Variants in PCDH9 observed in about 807,000 individuals in gnomAD.
The protein encoded by PCDH9 is protocadherin-9.
In PCDH9, 24 loss-of-function variants were observed where a neutral mutation model predicts 70.6. The observed-to-expected ratio is 0.34, with a 90% confidence interval of 0.25 to 0.48. PCDH9 has a LOEUF of 0.48. Ranked by LOEUF, PCDH9 falls within the 20% of genes least tolerant of loss-of-function variation. The pLI is 0.99. For missense variants in PCDH9, 1,281 were observed against 1,503.6 expected (o/e 0.85, Z 2.45); for synonymous variants, 562 against 558.5 (o/e 1.01, Z -0.09).
intron 2 of PCDH9, among the ~76,000 whole-genome samples, chr13:67,175,166 A>T (rs752258059): frequency 3.9e-5 from 6 of 151,988 alleles, no homozygotes; most frequent in African/African-American, 1.5e-4. Flanking sequence ...GTTTTTAAGG[A>T]TCCTCTCCAA....
At chr13:67,120,347 G>T (rs1000872573) in intron 2 of PCDH9, among the ~76,000 whole-genome samples, 1 of 152,014 alleles carries the variant, frequency 6.6e-6, no homozygotes, top group Admixed American at 6.6e-5. Flanking sequence ...CACCTCTGTG[G>T]ATGCAGGTAC....
chr13:67,072,949 G>T (rs2085798086), intron 2 of PCDH9, among the ~76,000 whole-genome samples: 1 of 152,096 alleles, frequency 6.6e-6, no homozygotes, highest in Non-Finnish European at 1.5e-5. Context: ...TCCAACAAAA[G>T]AAAAATTTTG....
intron 3 of PCDH9, among the ~76,000 whole-genome samples, chr13:66,882,691 T>C (rs991154485): frequency 6.6e-6 from 1 of 152,186 alleles, no homozygotes. Flanking sequence ...TCAATGGCAA[T>C]GTGTTCACTG....
chr13:67,009,773 C>G (rs879883899), intron 2 of PCDH9, among the ~76,000 whole-genome samples: 11 of 151,866 alleles, frequency 7.2e-5, no homozygotes, highest in Admixed American at 2.6e-4. Context: ...TTTAAAAATA[C>G]TTCGCATTTA....
At chr13:66,703,068 A>G (rs1007146403) in intron 3 of PCDH9, among the ~76,000 whole-genome samples, 1 of 152,228 alleles carries the variant, frequency 6.6e-6, no homozygotes, top group African/African-American at 2.4e-5. Context: ...GTAATAAACC[A>G]TAAAATTACA....
chr13:66,907,326 G>T (rs2082379171), intron 2 of PCDH9, among the ~76,000 whole-genome samples: 1 of 152,200 alleles, frequency 6.6e-6, no homozygotes, highest in Non-Finnish European at 1.5e-5. Context: ...TGCTAAATCA[G>T]ATTTATATTG....
intron 4 of PCDH9, among the ~76,000 whole-genome samples, chr13:66,412,186 A>G (rs1438723189): frequency 6.6e-6 from 1 of 152,188 alleles, no homozygotes; most frequent in Non-Finnish European, 1.5e-5. Flanking sequence ...GTAATTTTGA[A>G]GATTTTGAAG....
intron 4 of PCDH9, among the ~76,000 whole-genome samples, chr13:66,399,081 C>T (rs1277326831): frequency 3.9e-5 from 6 of 152,056 alleles, no homozygotes; most frequent in African/African-American, 1.2e-4. Context: ...TACAATCTTG[C>T]TTTTTCTTTT....
intron 2 of PCDH9, among the ~76,000 whole-genome samples, chr13:66,969,888 C>T (rs2083490272): frequency 2.0e-5 from 3 of 151,930 alleles, no homozygotes; most frequent in Admixed American, 2.0e-4. Flanking sequence ...AAGTCTAAAG[C>T]AAAAGTGCTT....
chr13:66,986,436 A>G (rs1427914353), intron 2 of PCDH9, among the ~76,000 whole-genome samples: 1 of 152,032 alleles, frequency 6.6e-6, no homozygotes, highest in Non-Finnish European at 1.5e-5. Flanking sequence ...TTATGAATTA[A>G]TGATCATGAC....
At chr13:66,457,055 G>GGAGATGAT (rs1958330947) in intron 4 of PCDH9, among the ~76,000 whole-genome samples, 1 of 151,910 alleles carries the variant, frequency 6.6e-6, no homozygotes, top group Non-Finnish European at 1.5e-5. Context: ...TTTTCTAGAG[G>GGAGATGAT]GAGATGATGT....
At chr13:66,731,328 T>C (rs1324619818) in intron 3 of PCDH9, among the ~76,000 whole-genome samples, 14 of 152,146 alleles carry the variant, frequency 9.2e-5, no homozygotes, top group Non-Finnish European at 8.8e-5. Flanking sequence ...ACATTTTGTA[T>C]ACAATTTTTG....
chr13:66,660,363 CT>C, intron 3 of PCDH9, among the ~76,000 whole-genome samples: 1 of 28,912 alleles, frequency 3.5e-5, no homozygotes, highest in African/African-American at 1.9e-4. Context: ...AATCACTGCA[CT>C]GTCTGAGTAA....
At chr13:66,677,592 AG>A (rs1390207202) in intron 3 of PCDH9, among the ~76,000 whole-genome samples, 12 of 152,168 alleles carry the variant, frequency 7.9e-5, no homozygotes, top group African/African-American at 2.6e-4. Context: ...ATCATTTAAA[AG>A]TGTGTGGCAC....
chr13:66,346,224 A>G (rs142773252), intron 4 of PCDH9, among the ~76,000 whole-genome samples: 6 of 152,328 alleles, frequency 3.9e-5, no homozygotes, highest in African/African-American at 1.4e-4. Context: ...GAACAAAACA[A>G]CAAGCATTTC....
chr13:66,883,421 T>C (rs1282562678), intron 3 of PCDH9, among the ~76,000 whole-genome samples: 1 of 152,066 alleles, frequency 6.6e-6, no homozygotes, highest in African/African-American at 2.4e-5. Flanking sequence ...TTTTCAGGTA[T>C]CCAATGAATG....
intron 3 of PCDH9, among the ~76,000 whole-genome samples, chr13:66,713,121 A>G (rs1481813504): frequency 6.6e-6 from 1 of 152,082 alleles, no homozygotes; most frequent in Non-Finnish European, 1.5e-5. Flanking sequence ...TTTCTTAAAA[A>G]CTGCGTGATC....
chr13:67,099,527 A>G (rs955448731), intron 2 of PCDH9, among the ~76,000 whole-genome samples: 9 of 152,208 alleles, frequency 5.9e-5, no homozygotes, highest in African/African-American at 1.9e-4. Flanking sequence ...AAATGAAATC[A>G]TGTAAAGAAA....
At position 66,504,563 on chromosome 13, in the gene PCDH9, A is replaced by G. The variant is rs77004367; in HGVS notation, c.3340+126647T>C. ...AAAATGGTGATTTTCTTAAGCCTTT[A>G]AGGTTCTGAGTGGTTTGTTACATAT... On this transcript the variant is annotated intron_variant, in intron 4 of 4. Transcript: ENST00000377865. 4.7e-3 allele frequency among the ~76,000 whole-genome samples: 713 copies of G among 152,256 alleles called. 32 individuals carry two copies. In the East Asian group the frequency reaches 0.092, roughly 20 times the overall value.
Sources: gnomAD v4.1 joint callset for allele counts (sites outside exome capture counted in the v4.1 genomes callset) on GRCh38, gnomAD v4.1.1 for gene constraint, MANE v1.5 for transcripts, NCBI Gene and HGNC (gene_info 2026-07-23, HGNC 2026-07-21) for gene names.